IPO11: variants seen among roughly 807,000 people sequenced by gnomAD.
IPO11 encodes the protein importin-11.
Under a neutral mutation model 143.2 loss-of-function variants are expected in IPO11, and 66 were observed. The observed-to-expected ratio is 0.46, with a 90% CI of 0.38 to 0.57. The LOEUF (loss-of-function observed/expected upper bound fraction) is 0.57, where lower values mean the gene tolerates loss of function less well. Among genes scored for constraint, IPO11 ranks in the 20% least tolerant of loss-of-function variants. The pLI is 0.00. For synonymous variants in IPO11, 385 were observed against 377.8 expected (o/e 1.02, Z -0.22); for missense variants, 1,026 against 1,141.0 (o/e 0.90, Z 1.45).
chr5:62,505,536 A>C (rs1741525740), intron 18 of IPO11, among the ~76,000 whole-genome samples: 2 of 152,138 alleles, frequency 1.3e-5, no homozygotes. Flanking sequence ...GCTTTAATAA[A>C]ATAATCACTA....
chr5:62,448,183 T>C (rs1744786686), intron 3 of IPO11, among the ~76,000 whole-genome samples: 1 of 152,202 alleles, frequency 6.6e-6, no homozygotes, highest in Non-Finnish European at 1.5e-5. Flanking sequence ...ATGTTTTTTT[T>C]TTCAGTCTGA....
At chr5:62,481,520 T>C (rs1746210922) in intron 9 of IPO11, among the ~76,000 whole-genome samples, 1 of 144,434 alleles carries the variant, frequency 6.9e-6, no homozygotes, top group Non-Finnish European at 1.6e-5. Context: ...GAGATAATCA[T>C]GTGGTTTTTA....
At chr5:62,479,526 A>G (rs527999991) in intron 9 of IPO11, among the ~76,000 whole-genome samples, 2 of 152,294 alleles carry the variant, frequency 1.3e-5, no homozygotes, top group African/African-American at 4.8e-5. Context: ...GTCTTCCACA[A>G]TGGTTGAACC....
chr5:62,479,867 A>T (rs1231121755), intron 9 of IPO11, among the ~76,000 whole-genome samples: 1 of 151,954 alleles, frequency 6.6e-6, no homozygotes, highest in Non-Finnish European at 1.5e-5. Context: ...GATTGCAAAA[A>T]TTTTCTCCCA....
At chr5:62,594,572 A>G (rs1745146159) in intron 28 of IPO11, among the ~76,000 whole-genome samples, 1 of 152,214 alleles carries the variant, frequency 6.6e-6, no homozygotes, top group Non-Finnish European at 1.5e-5. Flanking sequence ...ATAGATTCAA[A>G]TGCTAATCTC....
chr5:62,610,901 TAA>T (rs1258158870), intron 29 of IPO11, among the ~76,000 whole-genome samples: 6 of 152,210 alleles, frequency 3.9e-5, no homozygotes, highest in Admixed American at 1.3e-4. Context: ...ATAGTATTTT[TAA>T]AGTGTTAGAT....
intron 16 of IPO11, among the ~76,000 whole-genome samples, chr5:62,503,235 A>ATG (rs1741406913): frequency 6.6e-6 from 1 of 151,726 alleles, no homozygotes; most frequent in East Asian, 1.9e-4. Flanking sequence ...AAAGATGTTT[A>ATG]TGTGTAGTCC....
rs1325403878 is a variant in IPO11, at chr5:62,450,012, T to C, written c.312+13T>C. ...ACCAATAAACCAGGTTAGTGAGAAA[T>C]GAATGCTAATTTTTCTTTTTATTTG... On this transcript the variant is annotated intron_variant, in intron 4 of 29. Transcript: ENST00000325324. 7.1e-6 allele frequency: 11 copies of C among 1,552,840 alleles called. No homozygotes were observed. The highest frequency in any genetic ancestry group is 7.9e-6 in the Non-Finnish European group (9 of 1,145,008).
In IPO11 at chr5:62,416,152, G is replaced by C. The variant is rs180780859; in HGVS notation, c.-7+3223G>C. On this transcript the variant is annotated intron_variant, in intron 1 of 29. Transcript: ENST00000325324. ...TCCTGTGTGTACATGCACCTCTGCT[G>C]TATCTTTCTGTTTTCTTTTTTTTTC... Among the ~76,000 whole-genome samples the C allele has an allele frequency of 1.5e-3, 222 of 144,434 alleles. 3 individuals are homozygous for C. The highest frequency in any genetic ancestry group is 1.4e-4 in the Non-Finnish European group (9 of 65,866). The allele number at this position is 144,434 out of a possible 152,430, so 94.8% of individuals were successfully genotyped here.
At chr5:62,591,696 A>G (rs1240313177) in intron 28 of IPO11, 24 bp downstream of exon 28, 1 of 1,467,890 alleles carries the variant, frequency 6.8e-7, no homozygotes, top group Non-Finnish European at 9.4e-7. Context: ...TTAATTAATC[A>G]TAATTGGACT....
Position 62,575,635 on chromosome 5 carries a change from A to G in IPO11, c.2582+14378A>G, listed in dbSNP as rs575762982. 2.0e-5 allele frequency among the ~76,000 whole-genome samples: 3 copies of G among 152,210 alleles called. No individual in the cohort carries two copies. In the South Asian group the frequency reaches 6.2e-4, roughly 32 times the overall value. On this transcript the variant is annotated intron_variant, in intron 27 of 29. Coordinates refer to ENST00000325324, the MANE Select transcript of IPO11 (RefSeq NM_016338.5). Reference sequence around the variant, plus strand: ...TGTGGTTTGATATTTCCTTATGGTTAGATTTATGTATGCATCTCTCGTTAG... The same window carrying G: ...TGTGGTTTGATATTTCCTTATGGTTGGATTTATGTATGCATCTCTCGTTAG...
intron 29 of IPO11, among the ~76,000 whole-genome samples, chr5:62,613,122 A>T (rs1448373437): frequency 6.6e-6 from 1 of 152,024 alleles, no homozygotes; most frequent in African/African-American, 2.4e-5. Context: ...AATTTTTTAG[A>T]TGTTTATAGC....
chr5:62,552,401 T>A (rs1743418941), intron 26 of IPO11, among the ~76,000 whole-genome samples: 1 of 152,024 alleles, frequency 6.6e-6, no homozygotes, highest in South Asian at 2.1e-4. Context: ...AACCCTTGTT[T>A]TGATAAATAA....
chr5:62,549,029 G>A (rs778515006), intron 24 of IPO11, among the ~76,000 whole-genome samples: 6 of 151,450 alleles, frequency 4.0e-5, no homozygotes, highest in Non-Finnish European at 5.9e-5. Context: ...TGACTCTCTC[G>A]GTCTACTAGC....
intron 29 of IPO11, among the ~76,000 whole-genome samples, chr5:62,616,117 G>C (rs964549278): frequency 1.3e-5 from 2 of 152,146 alleles, no homozygotes; most frequent in African/African-American, 4.8e-5. Flanking sequence ...AGCCAGAACA[G>C]AAAACAAAGA....
At chr5:62,580,767 T>C (rs1441709125) in intron 27 of IPO11, 2 of 1,551,332 alleles carry the variant, frequency 1.3e-6, no homozygotes, top group African/African-American at 1.4e-5. Context: ...ATGGCAGTCC[T>C]CTGGAAAATA....
At chr5:62,471,240 C>T (rs934182785) in intron 7 of IPO11, among the ~76,000 whole-genome samples, 3 of 148,378 alleles carry the variant, frequency 2.0e-5, no homozygotes, top group African/African-American at 7.5e-5. Context: ...TTTTGTAAGT[C>T]GCTTTGGGGG....
At chr5:62,604,956 A>G (rs1047259875) in intron 29 of IPO11, among the ~76,000 whole-genome samples, 3 of 152,190 alleles carry the variant, frequency 2.0e-5, no homozygotes, top group Non-Finnish European at 4.4e-5. Flanking sequence ...TAATTACGTC[A>G]ATCTTGAACT....
chr5:62,581,174 A>G (rs1412358569), intron 27 of IPO11: 4 of 1,551,154 alleles, frequency 2.6e-6, no homozygotes, highest in Non-Finnish European at 2.6e-6. Flanking sequence ...GCAAGGTATA[A>G]TGTAACTGCC....
Sources: allele counts gnomAD v4.1 joint callset (sites outside exome capture counted in the v4.1 genomes callset), GRCh38; gene constraint gnomAD v4.1.1; transcripts MANE v1.5; gene names NCBI Gene and HGNC (gene_info 2026-07-23, HGNC 2026-07-21).